The following PCDH15 variants were observed in gnomAD, a reference collection of about 807,000 sequenced individuals.
PCDH15 encodes protocadherin-15.
In PCDH15, 129 loss-of-function variants were observed where a neutral mutation model predicts 178.5. The ratio of observed to expected loss-of-function variants is 0.72; its 90% confidence interval spans 0.63 to 0.84. PCDH15 has a LOEUF of 0.84. PCDH15 is among the 40% of genes least tolerant of loss of function. The pLI, the probability that PCDH15 is intolerant of heterozygous loss-of-function variation, is 0.00. For missense variants in PCDH15, 2,230 were observed against 2,099.9 expected, an observed-to-expected ratio of 1.06 and a Z score of -1.21; for synonymous variants, 800 against 732.0, an observed-to-expected ratio of 1.09 and a Z score of -1.50.
chr10:54,489,613 A>G (rs2079401507), intron 3 of PCDH15, among the ~76,000 whole-genome samples: 1 of 152,184 alleles, frequency 6.6e-6, no homozygotes, highest in Admixed American at 6.6e-5. Flanking sequence ...ACACACATAC[A>G]GGCATACATT....
intron 2 of PCDH15, among the ~76,000 whole-genome samples, chr10:55,441,041 C>G (rs897921287): frequency 2.0e-5 from 3 of 152,166 alleles, no homozygotes; most frequent in Admixed American, 2.0e-4. Flanking sequence ...ATCCACAATT[C>G]AAGATGAGAT....
chr10:54,140,059 A>G (rs2043249168), intron 14 of PCDH15, among the ~76,000 whole-genome samples: 1 of 152,200 alleles, frequency 6.6e-6, no homozygotes, highest in Non-Finnish European at 1.5e-5. Context: ...CAAAGTTGAA[A>G]AAGCTTAGAT....
intron 1 of PCDH15, among the ~76,000 whole-genome samples, chr10:55,228,414 G>A (rs1478801899): frequency 6.6e-6 from 1 of 151,890 alleles, no homozygotes; most frequent in Non-Finnish European, 1.5e-5. Context: ...TGAATATTCT[G>A]TTTTACTATA....
intron 21 of PCDH15, among the ~76,000 whole-genome samples, chr10:53,975,178 C>T (rs1030010799): frequency 6.6e-6 from 1 of 152,078 alleles, no homozygotes; most frequent in African/African-American, 2.4e-5. Flanking sequence ...TTATCCAATA[C>T]ACCACTGATG....
At chr10:55,374,084 TATAATA>T (rs71461295) in intron 2 of PCDH15, among the ~76,000 whole-genome samples, 46,295 of 143,760 alleles carry the variant, frequency 0.32, 8,140 homozygotes, top group Middle Eastern at 0.46. Context: ...GAACTTAAAG[TATAATA>T]ATAATAATAA....
intron 18 of PCDH15, among the ~76,000 whole-genome samples, chr10:54,031,483 A>C (rs564170968): frequency 4.6e-5 from 7 of 152,110 alleles, no homozygotes; most frequent in African/African-American, 1.4e-4. Flanking sequence ...GAATCTGTAA[A>C]TTGTTTTGTG....
intron 1 of PCDH15, among the ~76,000 whole-genome samples, chr10:54,718,683 T>A (rs2095509971): frequency 9.9e-6 from 1 of 100,828 alleles, no homozygotes; most frequent in African/African-American, 3.9e-5. Context: ...TCACACTGAT[T>A]CTTTTTTTTT....
intron 29 of PCDH15, among the ~76,000 whole-genome samples, chr10:53,834,391 T>A (rs1158062450): frequency 6.6e-6 from 1 of 150,562 alleles, no homozygotes; most frequent in African/African-American, 2.4e-5. Context: ...GGTCATCAGG[T>A]TATTATCTCC....
chr10:54,915,971 G>A (rs1564627334), intron 2 of PCDH15, among the ~76,000 whole-genome samples: 1 of 152,150 alleles, frequency 6.6e-6, no homozygotes, highest in African/African-American at 2.4e-5. Flanking sequence ...TCAGCTCACA[G>A]GCACCTGCAA....
At chr10:53,819,052 G>C (rs1026122727) in intron 33 of PCDH15, among the ~76,000 whole-genome samples, 1 of 151,948 alleles carries the variant, frequency 6.6e-6, no homozygotes, top group Non-Finnish European at 1.5e-5. Context: ...AGTGAATTTC[G>C]TAGAGTGCTT....
At chr10:55,048,839 T>C (rs916532056) in intron 2 of PCDH15, among the ~76,000 whole-genome samples, 5 of 151,980 alleles carry the variant, frequency 3.3e-5, no homozygotes, top group African/African-American at 7.2e-5. Flanking sequence ...CACAGAAATA[T>C]TCCTTTTATG....
chr10:54,235,758 G>C (rs1306706752), intron 9 of PCDH15, among the ~76,000 whole-genome samples: 1 of 152,104 alleles, frequency 6.6e-6, no homozygotes, highest in Non-Finnish European at 1.5e-5. Context: ...TCTAATAAGA[G>C]TGATTGACAT....
Position 55,437,557 on chromosome 10 carries a change from T to C in PCDH15, c.-156+190068A>G, listed in dbSNP as rs570292270. Among the ~76,000 whole-genome samples the C allele has an allele frequency of 5.9e-5, 9 of 152,244 alleles. No individual in the cohort carries two copies. In the South Asian group the frequency reaches 1.9e-3, roughly 32 times the overall value. ...GAAAAAATGGCCCTATTTATACAAGTACTAAAGGTTTAGAAGACAGACAGA... is the reference window on the plus strand; with the variant it reads ...GAAAAAATGGCCCTATTTATACAAGCACTAAAGGTTTAGAAGACAGACAGA... On this transcript the variant is annotated intron_variant, in intron 2 of 5. Coordinates refer to the PCDH15 transcript ENST00000613346.
intron 8 of PCDH15, among the ~76,000 whole-genome samples, chr10:54,240,737 T>C (rs568886668): frequency 7.6e-4 from 108 of 142,754 alleles, no homozygotes; most frequent in African/African-American, 2.6e-3. Context: ...GTTCACGCCA[T>C]TCTCCTGCCT....
In PCDH15 at chr10:54,862,587, C is replaced by T. The variant is rs145266308; in HGVS notation, c.-29+34863G>A. 1.9e-3 allele frequency among the ~76,000 whole-genome samples: 284 copies of T among 152,280 alleles called. 7 individuals carry two copies. The East Asian group carries it at 0.046, about 25-fold the overall frequency. On this transcript the variant is annotated intron_variant, in intron 3 of 5. Transcript: ENST00000458638. Reference sequence around the variant, plus strand: ...GGTAGGGTCTAGTGGGAGCTGTTTTCGTCCTGGTGTCTGGTCCCTCATGAA... The same window carrying T: ...GGTAGGGTCTAGTGGGAGCTGTTTTTGTCCTGGTGTCTGGTCCCTCATGAA...
chr10:55,396,546 A>G (rs1837933309), intron 2 of PCDH15, among the ~76,000 whole-genome samples: 1 of 152,180 alleles, frequency 6.6e-6, no homozygotes, highest in Non-Finnish European at 1.5e-5. Flanking sequence ...GGTCTAATCG[A>G]GACCGGTAGG....
intron 3 of PCDH15, among the ~76,000 whole-genome samples, chr10:54,486,760 G>A (rs891633613): frequency 2.0e-5 from 3 of 151,918 alleles, no homozygotes; most frequent in African/African-American, 7.2e-5. Context: ...CTACTTAAAT[G>A]TATTTATAGT....
intron 1 of PCDH15, among the ~76,000 whole-genome samples, chr10:54,672,441 TTTCAA>T (rs1380346919): frequency 6.6e-6 from 1 of 152,114 alleles, no homozygotes; most frequent in Non-Finnish European, 1.5e-5. Context: ...CACTTTATTG[TTTCAA>T]TTAAGTTATA....
At chr10:54,713,719 A>G (rs2095448646) in intron 1 of PCDH15, among the ~76,000 whole-genome samples, 1 of 152,128 alleles carries the variant, frequency 6.6e-6, no homozygotes, top group African/African-American at 2.4e-5. Flanking sequence ...ATATGCCTGT[A>G]AGGTTGTATT....
Sources: gnomAD v4.1 joint callset for allele counts (sites outside exome capture counted in the v4.1 genomes callset) on GRCh38, gnomAD v4.1.1 for gene constraint, MANE v1.5 for transcripts, NCBI Gene and HGNC (gene_info 2026-07-23, HGNC 2026-07-21) for gene names.